IREB2: variants seen among roughly 807,000 people sequenced by gnomAD.
IREB2 encodes iron-responsive element-binding protein 2.
A neutral mutation model predicts 118.8 loss-of-function variants in IREB2; 39 were observed. That is an observed-to-expected ratio of 0.33 (90% CI 0.25 to 0.43). The LOEUF is 0.43. IREB2 is among the 20% of genes least tolerant of loss of function. The probability of loss-of-function intolerance (pLI) is 1.00; values close to 1 mark genes in which losing one functional copy is unlikely to be tolerated. For missense variants in IREB2, 900 were observed against 1,147.3 expected, an observed-to-expected ratio of 0.78 and a Z score of 3.11; for synonymous variants, 372 against 392.2, an observed-to-expected ratio of 0.95 and a Z score of 0.61.
intron 1 of IREB2, chr15:78,438,742 G>A (rs1266697987): frequency 2.6e-5 from 8 of 311,372 alleles, no homozygotes; most frequent in Admixed American, 8.9e-5. Context: ...GGGGGCCTGC[G>A]TCTCCGTGTT....
chr15:78,488,403 G>T, intron 15 of IREB2, 67 bp downstream of exon 15: 1 of 1,332,828 alleles, frequency 7.5e-7, no homozygotes, highest in Admixed American at 2.6e-5. Context: ...TTATATTTTT[G>T]AAATGTTTCT....
intron 18 of IREB2, among the ~76,000 whole-genome samples, chr15:78,491,967 T>C (rs1270745136): frequency 6.6e-6 from 1 of 152,174 alleles, no homozygotes; most frequent in Non-Finnish European, 1.5e-5. Flanking sequence ...TTCTCTCAAA[T>C]GTACAATTTT....
intron 5 of IREB2, 23 bp downstream of exon 5, chr15:78,466,512 G>A (rs1299518234): frequency 5.5e-6 from 8 of 1,459,014 alleles, no homozygotes; most frequent in Middle Eastern, 2.1e-4. Context: ...TTTTCTTAAA[G>A]TTTATTAATA....
At chr15:78,475,836 A>C (rs2077213215) in intron 8 of IREB2, 1 of 161,288 alleles carries the variant, frequency 6.2e-6, no homozygotes, top group South Asian at 1.8e-4. Flanking sequence ...TGGGCAACAG[A>C]GTGAGACCCT....
At chr15:78,444,202 C>A (rs1158402283) in intron 2 of IREB2, among the ~76,000 whole-genome samples, 1 of 152,110 alleles carries the variant, frequency 6.6e-6, no homozygotes, top group Non-Finnish European at 1.5e-5. Flanking sequence ...ATTTGGGTGA[C>A]TCTCTTAAGT....
At chr15:78,473,111 T>C in intron 7 of IREB2, 131 bp from the exon 8 acceptor site, 1 of 797,262 alleles carries the variant, frequency 1.3e-6, no homozygotes, top group East Asian at 2.6e-5. Flanking sequence ...AGTGTCCACA[T>C]TAATAGCAAT....
At chr15:78,464,208 A>G (rs1458093851) in intron 3 of IREB2, among the ~76,000 whole-genome samples, 1 of 152,216 alleles carries the variant, frequency 6.6e-6, no homozygotes, top group Non-Finnish European at 1.5e-5. Context: ...ACTTGGTTAC[A>G]AATGTTAAGT....
intron 2 of IREB2, among the ~76,000 whole-genome samples, chr15:78,443,028 G>A (rs1208519364): frequency 6.6e-6 from 1 of 152,130 alleles, no homozygotes; most frequent in Admixed American, 6.5e-5. Context: ...ACTCATGGGG[G>A]ATATGTTCCA....
At chr15:78,485,900 T>A in intron 13 of IREB2, 60 bp downstream of exon 13, 1 of 1,392,028 alleles carries the variant, frequency 7.2e-7, no homozygotes, top group Non-Finnish European at 1.0e-6. Context: ...CTGAAGCTGC[T>A]TGTTTGTGCC....
At chr15:78,443,955 G>A (rs916633650) in intron 2 of IREB2, among the ~76,000 whole-genome samples, 45 of 152,104 alleles carry the variant, frequency 3.0e-4, no homozygotes, top group African/African-American at 9.7e-4. Flanking sequence ...CAGTTGTGGG[G>A]AATCTCTTTA....
At chr15:78,495,362 A>T (rs996520401) in intron 20 of IREB2, among the ~76,000 whole-genome samples, 1 of 152,144 alleles carries the variant, frequency 6.6e-6, no homozygotes, top group Admixed American at 6.6e-5. Flanking sequence ...TGATGTTGGA[A>T]GCTTTCCTTA....
At chr15:78,473,881 TGTC>T (rs1400860098) in intron 8 of IREB2, 1 of 152,332 alleles carries the variant, frequency 6.6e-6, no homozygotes, top group Non-Finnish European at 1.5e-5. Flanking sequence ...AAGTTGATTG[TGTC>T]GTCTTTAATT....
intron 6 of IREB2, 72 bp downstream of exon 6, chr15:78,470,673 G>GT (rs2051360234): frequency 3.1e-6 from 1 of 327,626 alleles, no homozygotes. Flanking sequence ...TTATATCTTT[G>GT]TTTCTTTTTC....
chr15:78,492,193 T>C lies in IREB2; in HGVS notation c.2324+1432T>C, dbSNP rs543745145. Among the ~76,000 whole-genome samples the C allele has an allele frequency of 3.9e-5, 6 of 152,326 alleles. 1 individual carries two copies. In the South Asian group the frequency reaches 1.0e-3, roughly 26 times the overall value. Reference sequence around the variant, plus strand: ...CAGTTGTTGATTGTTGAGATACTTATGTTCAGTTATTTTTCCCTAAAAAGT... The same window carrying C: ...CAGTTGTTGATTGTTGAGATACTTACGTTCAGTTATTTTTCCCTAAAAAGT... On this transcript the variant is annotated intron_variant, in intron 18 of 21. Transcript: ENST00000258886.
chr15:78,439,763 T>G, intron 1 of IREB2, 32 bp from the exon 2 acceptor site: 1 of 1,183,660 alleles, frequency 8.4e-7, no homozygotes, highest in Non-Finnish European at 1.2e-6. Context: ...ATTTTGTTGC[T>G]GCATTTAATG....
At chr15:78,444,335 T>TTCA (rs1336518148) in intron 2 of IREB2, among the ~76,000 whole-genome samples, 3 of 152,174 alleles carry the variant, frequency 2.0e-5, no homozygotes, top group Non-Finnish European at 4.4e-5. Context: ...GAAACATGAA[T>TTCA]GACTATGTTG....
chr15:78,447,395 G>A lies in IREB2; in HGVS notation c.106+7514G>A, dbSNP rs1307108038. 8.7e-5 allele frequency among the ~76,000 whole-genome samples: 13 copies of A among 149,660 alleles called. 1 individual carries two copies. The highest frequency in any genetic ancestry group is 3.4e-3 in the Middle Eastern group (1 of 292). On this transcript the variant is annotated intron_variant, in intron 2 of 21. Transcript: ENST00000258886. Reference sequence around the variant, plus strand: ...ACCCAGGCTGGAATGCAGTGGCACCGTCTCGGCTCACTGCAACCTCCGCCT... The same window carrying A: ...ACCCAGGCTGGAATGCAGTGGCACCATCTCGGCTCACTGCAACCTCCGCCT...
chr15:78,498,094 T>C lies in IREB2; in HGVS notation c.2843T>C (p.Leu948Ser), dbSNP rs2051869022. Reference protein sequence around the residue: ...ASFEDDVEITLYKHGGLLNFV... With the variant: ...ASFEDDVEITSYKHGGLLNFV... Reference sequence around the variant, plus strand: ...TTTGAAGATGATGTGGAAATAACATTATACAAACATGGAGGATTATTAAAC... The same window carrying C: ...TTTGAAGATGATGTGGAAATAACATCATACAAACATGGAGGATTATTAAAC... The change falls in exon 22 of 22, where the codon TTA becomes TCA. Residue 948 changes from leucine (L) to serine (S), a missense_variant. Coordinates refer to ENST00000258886, the MANE Select transcript of IREB2 (RefSeq NM_004136.4). 6.2e-7 allele frequency: 1 copy of C among 1,612,892 alleles called. No homozygotes were observed. Among genetic ancestry groups the C allele is most frequent in the Admixed American group, 1.7e-5 (1 of 59,998 alleles).
intron 2 of IREB2, among the ~76,000 whole-genome samples, chr15:78,451,791 G>A (rs929420526): frequency 6.6e-6 from 1 of 152,024 alleles, no homozygotes; most frequent in East Asian, 1.9e-4. Flanking sequence ...TAGTTCAAGC[G>A]ATTCTCCTGC....
Sources: allele counts gnomAD v4.1 joint callset (sites outside exome capture counted in the v4.1 genomes callset), GRCh38; gene constraint gnomAD v4.1.1; transcripts MANE v1.5; gene names NCBI Gene and HGNC (gene_info 2026-07-23, HGNC 2026-07-21).